ADRA1A: variants seen among roughly 807,000 people sequenced by gnomAD.
ADRA1A encodes alpha-1A adrenergic receptor.
A neutral mutation model predicts 29.6 loss-of-function variants in ADRA1A; 31 were observed. The ratio of observed to expected loss-of-function variants is 1.05; its 90% CI spans 0.79 to 1.41. ADRA1A has a LOEUF of 1.41. ADRA1A is among the 40% of genes most tolerant of loss of function. ADRA1A has a pLI of 0.00. For synonymous variants in ADRA1A, 311 were observed against 254.3 expected, an observed-to-expected ratio of 1.22 and a Z score of -2.12; for missense variants, 619 against 601.1, an observed-to-expected ratio of 1.03 and a Z score of -0.31.
rs60615389 is a variant in ADRA1A, at chr8:26,778,964, T to C, written c.884-8298A>G. 257 of 152,294 alleles carry C rather than the reference T, an allele frequency of 1.7e-3. 5 individuals carry two copies. The East Asian group carries it at 0.044, about 26-fold the overall frequency. The allele number at this position is 152,294 out of a possible 1,614,324, so 9.4% of individuals were successfully genotyped here. A position where few individuals can be genotyped will look rare whatever the true frequency, so the allele number is the denominator to read the frequency against. ...ATAATAAAAAAAATATATATATATA[T>C]AAATTTTTTTAATTGTCTCTGCACA... On this transcript the variant is annotated intron_variant, in intron 2 of 2. Coordinates refer to ENST00000380573, the MANE Select transcript of ADRA1A (RefSeq NM_000680.4).
In ADRA1A at chr8:26,846,862, A is replaced by T. The variant is rs557712515; in HGVS notation, c.883+17225T>A. Among the ~76,000 whole-genome samples the T allele has an allele frequency of 1.3e-3, 194 of 152,374 alleles. 7 individuals are homozygous for T. In the South Asian group the frequency reaches 0.04, roughly 32 times the overall value. ...AGACTGGATTAAGAAAATATGGCAC[A>T]TATACACCATGGAATACTATGCAGT... On this transcript the variant is annotated intron_variant, in intron 2 of 2. Coordinates refer to ENST00000380573, the MANE Select transcript of ADRA1A (RefSeq NM_000680.4).
intron 2 of ADRA1A, among the ~76,000 whole-genome samples, chr8:26,820,410 G>A (rs1810075300): frequency 6.6e-6 from 1 of 152,206 alleles, no homozygotes; most frequent in South Asian, 2.1e-4. Flanking sequence ...CACAATTATT[G>A]TCAATTATTA....
downstream of ADRA1A, chr8:26,756,369 A>C: frequency 1.7e-6 from 2 of 1,189,716 alleles, no homozygotes; most frequent in Non-Finnish European, 2.2e-6. Flanking sequence ...TTACTTATTG[A>C]AGAAACTGGG....
intron 2 of ADRA1A, among the ~76,000 whole-genome samples, chr8:26,808,379 G>T (rs1809148673): frequency 6.6e-6 from 1 of 152,052 alleles, no homozygotes; most frequent in Non-Finnish European, 1.5e-5. Flanking sequence ...TAATCTTCTA[G>T]TGCTGGATTT....
At chr8:26,748,584 C>T (rs957163254) in exon 3 of ADRA1A, 1 of 413,670 alleles carries the variant, frequency 2.4e-6, no homozygotes, top group Admixed American at 2.7e-5. Context: ...ACTAAAAATA[C>T]AAAAATTAGC....
chr8:26,785,571 G>T (rs1029293702), intron 2 of ADRA1A, among the ~76,000 whole-genome samples: 2 of 151,676 alleles, frequency 1.3e-5, no homozygotes, highest in Non-Finnish European at 2.9e-5. Context: ...TGCAAGAGTA[G>T]AAATATCCTC....
chr8:26,799,458 C>T (rs933370673), intron 2 of ADRA1A, among the ~76,000 whole-genome samples: 12 of 152,196 alleles, frequency 7.9e-5, no homozygotes, highest in Non-Finnish European at 7.3e-5. Context: ...TGCTGGTTCT[C>T]AGTTAAACTA....
downstream of ADRA1A, among the ~76,000 whole-genome samples, chr8:26,754,414 C>A (rs566564474): frequency 8.6e-5 from 13 of 152,022 alleles, no homozygotes; most frequent in South Asian, 2.7e-3. Context: ...CTTAGTCGAC[C>A]AAATACCAAA....
chr8:26,850,025 C>CAAAAAAAA (rs141672591), intron 2 of ADRA1A, among the ~76,000 whole-genome samples: 168 of 121,486 alleles, frequency 1.4e-3, no homozygotes, highest in Admixed American at 2.6e-3. Context: ...GAGAGAAATG[C>CAAAAAAAA]AAAAACAAAA....
downstream of ADRA1A, chr8:26,766,210 CT>C: frequency 8.7e-7 from 1 of 1,152,570 alleles, no homozygotes; most frequent in South Asian, 1.2e-5. Flanking sequence ...GTCGTATTTG[CT>C]TTCATTTATT....
chr8:26,854,416 A>AGGGGGGGGGGGGGGG (rs1200564632), intron 2 of ADRA1A: 2 of 18,702 alleles, frequency 1.1e-4, no homozygotes, highest in Non-Finnish European at 1.0e-4. Flanking sequence ...CTGAAGTTAA[A>AGGGGGGGGGGGGGGG]GCGGGGCGGG....
chr8:26,833,664 A>G (rs1293213695), intron 2 of ADRA1A, among the ~76,000 whole-genome samples: 2 of 152,226 alleles, frequency 1.3e-5, no homozygotes, highest in African/African-American at 4.8e-5. Flanking sequence ...TCCTAGCACC[A>G]TATTGCTAAG....
At chr8:26,801,539 C>T (rs1372196593) in intron 2 of ADRA1A, among the ~76,000 whole-genome samples, 1 of 151,820 alleles carries the variant, frequency 6.6e-6, no homozygotes, top group Non-Finnish European at 1.5e-5. Context: ...AATAAAATAC[C>T]TAGGAATAAA....
Position 26,769,441 on chromosome 8 carries a change from G to T in ADRA1A, c.*708C>A, listed in dbSNP as rs1805977007. ...CTCTTGGGAAAAGCCATACCACCCT[G>T]GTTGGTTCTTTCAACCCTCTCCTGA... is the stretch of plus-strand genomic sequence containing the variant. On this transcript the variant is annotated 3_prime_UTR_variant, in exon 3 of 3. Transcript: ENST00000380573. 2 of 985,272 alleles carry T rather than the reference G, an allele frequency of 2.0e-6. No individual in the cohort carries two copies. Among genetic ancestry groups the T allele is most frequent in the Non-Finnish European group, 2.4e-6 (2 of 829,944 alleles). 61.0% of individuals were successfully genotyped at this position (985,272 alleles called of 1,614,324 possible).
chr8:26,751,906 G>T (rs1278774844), downstream of ADRA1A, among the ~76,000 whole-genome samples: 2 of 152,172 alleles, frequency 1.3e-5, no homozygotes, highest in Non-Finnish European at 1.5e-5. Context: ...GCATGGGTGG[G>T]ATCAGTGGAG....
rs1322311034 is a variant in ADRA1A at position 26,775,265 on chromosome 8, T to C, written c.884-4599A>G. On this transcript the variant is annotated intron_variant, in intron 2 of 2. Coordinates refer to ENST00000380573, the MANE Select transcript of ADRA1A (RefSeq NM_000680.4). The surrounding 1 kb of genome is among the most constrained non-coding windows in gnomAD (Gnocchi z 4.1). ...TTCTTGCCATGGTTCTTCTTCACAGTGTGGCTTGGTTTTCTTTTCTGCGTG... is the reference window on the plus strand; with the variant it reads ...TTCTTGCCATGGTTCTTCTTCACAGCGTGGCTTGGTTTTCTTTTCTGCGTG... Among the ~76,000 whole-genome samples, 1 of 152,232 alleles carries C rather than the reference T, an allele frequency of 6.6e-6. No homozygotes were observed. The highest frequency in any genetic ancestry group is 1.5e-5 in the Non-Finnish European group (1 of 68,034).
chr8:26,822,952 T>A (rs905098484), intron 2 of ADRA1A, among the ~76,000 whole-genome samples: 7 of 152,092 alleles, frequency 4.6e-5, no homozygotes, highest in African/African-American at 1.2e-4. Context: ...GGGAAGATGG[T>A]GTCAAACTAT....
At chr8:26,861,326 A>G (rs1484834782) in intron 2 of ADRA1A, among the ~76,000 whole-genome samples, 1 of 67,972 alleles carries the variant, frequency 1.5e-5, no homozygotes, top group African/African-American at 5.4e-5. Context: ...TTTTTTTTAG[A>G]TGGAGCCTCG....
chr8:26,855,725 A>G (rs993286341), intron 2 of ADRA1A, among the ~76,000 whole-genome samples: 1 of 152,220 alleles, frequency 6.6e-6, no homozygotes, highest in African/African-American at 2.4e-5. Context: ...CTGCACTTGT[A>G]TCCCAGAACT....
Sources: allele counts gnomAD v4.1 joint callset (sites outside exome capture counted in the v4.1 genomes callset), GRCh38; gene constraint gnomAD v4.1.1; non-coding constraint Gnocchi (gnomAD v3.1); transcripts MANE v1.5; gene names NCBI Gene and HGNC (gene_info 2026-07-23, HGNC 2026-07-21).